Variants in FRMPD1 observed in about 807,000 individuals in gnomAD.
The protein encoded by FRMPD1 is FERM and PDZ domain-containing protein 1.
Under a neutral mutation model 117.8 loss-of-function variants are expected in FRMPD1, and 76 were observed. That is an observed-to-expected ratio of 0.65 (90% confidence interval 0.54 to 0.78). The LOEUF is 0.78. FRMPD1 is among the 30% of genes least tolerant of loss of function. FRMPD1 has a pLI of 0.00. For missense variants in FRMPD1, 1,786 were observed against 1,964.5 expected, an observed-to-expected ratio of 0.91 and a Z score of 1.72; for synonymous variants, 783 against 770.4, an observed-to-expected ratio of 1.02 and a Z score of -0.27.
the FRMPD1 span, among the ~76,000 whole-genome samples, chr9:37,643,115 A>T: frequency 9.9e-5 from 15 of 152,194 alleles, no homozygotes; most frequent in Admixed American, 7.2e-4. Flanking sequence ...CCAGGACTGG[A>T]AGTTCTAGGT....
chr9:37,623,457 T>C, the FRMPD1 span, among the ~76,000 whole-genome samples: 14 of 152,244 alleles, frequency 9.2e-5, no homozygotes, highest in Non-Finnish European at 1.6e-4. Flanking sequence ...GCCTTTTCGC[T>C]GAACCTTGAA....
At chr9:37,658,792 A>G (rs986226995) in intron 1 of FRMPD1, among the ~76,000 whole-genome samples, 2 of 152,210 alleles carry the variant, frequency 1.3e-5, no homozygotes, top group Non-Finnish European at 2.9e-5. Flanking sequence ...CATTAATTTA[A>G]TTATAGGTGT....
chr9:37,663,031 C>G (rs1032055305), intron 1 of FRMPD1, among the ~76,000 whole-genome samples: 8 of 152,198 alleles, frequency 5.3e-5, no homozygotes, highest in Non-Finnish European at 1.2e-4. Context: ...ACACTCATCC[C>G]TCTCTTGTAT....
At chr9:37,722,447 G>A (rs1315004237) in intron 6 of FRMPD1, among the ~76,000 whole-genome samples, 14 of 152,066 alleles carry the variant, frequency 9.2e-5, no homozygotes, top group Admixed American at 7.9e-4. Flanking sequence ...TGCTCCTGTC[G>A]CCCTGGCTGG....
rs1040574411 is a variant in FRMPD1 at position 37,711,414 on chromosome 9, C to A, written c.408+19C>A. 1.9e-6 allele frequency: 3 copies of A among 1,573,774 alleles called. No homozygotes were observed. The highest frequency in any genetic ancestry group is 1.1e-5 in the South Asian group (1 of 90,250). ...CACGTCGGTAAATCTCTTTCTATGT[C>A]CTGTGTGTTAGTTTCACCATTCTTG... On this transcript the variant is annotated intron_variant, in intron 5 of 15. Transcript: ENST00000377765.
chr9:37,608,644 GA>G, the FRMPD1 span, among the ~76,000 whole-genome samples: 1 of 152,170 alleles, frequency 6.6e-6, no homozygotes, highest in Non-Finnish European at 1.5e-5. Context: ...TGCCTGGCAA[GA>G]CTTAGTTTTC....
In FRMPD1 at chr9:37,690,946, C is replaced by G. The variant is rs1822110817; in HGVS notation, c.-4-1692C>G. Among the ~76,000 whole-genome samples the G allele has an allele frequency of 2.0e-5, 3 of 152,274 alleles. No individual in the cohort carries two copies. In the South Asian group the frequency reaches 6.2e-4, roughly 32 times the overall value. ...CAGGAACTCACACCCACAGTAATGG[C>G]ATTAATTCATTCATGAGGACACAGC... On this transcript the variant is annotated intron_variant, in intron 1 of 15. Coordinates refer to ENST00000377765, the MANE Select transcript of FRMPD1 (RefSeq NM_014907.3).
chr9:37,674,388 T>G (rs1821453619), intron 1 of FRMPD1, among the ~76,000 whole-genome samples: 1 of 152,226 alleles, frequency 6.6e-6, no homozygotes, highest in African/African-American at 2.4e-5. Context: ...TATCAGCATT[T>G]CAGTCAAAGC....
At chr9:37,713,868 C>T (rs1002471899) in intron 5 of FRMPD1, among the ~76,000 whole-genome samples, 21 of 152,200 alleles carry the variant, frequency 1.4e-4, no homozygotes, top group African/African-American at 4.1e-4. Flanking sequence ...AGGTTGCCTA[C>T]GCATTTAGGG....
chr9:37,636,676 C>G, the FRMPD1 span: 2 of 1,530,374 alleles, frequency 1.3e-6, no homozygotes, highest in Non-Finnish European at 1.7e-6. Flanking sequence ...CTGTCCCACT[C>G]CAGTGCCCCT....
intron 15 of FRMPD1, among the ~76,000 whole-genome samples, chr9:37,742,399 T>C (rs1824466011): frequency 6.6e-6 from 1 of 152,200 alleles, no homozygotes; most frequent in Non-Finnish European, 1.5e-5. Flanking sequence ...TTTGTTTTTG[T>C]TTTTGTTTTT....
chr9:37,707,497 CAA>C lies in FRMPD1; in HGVS notation c.185_186del (p.Lys62ArgfsTer13). ...CTGTGCGACACACAGTAAAGATAGACAAAGACACCCTCCTCCAGGACTATGGA... is the reference window on the plus strand; with the variant it reads ...CTGTGCGACACACAGTAAAGATAGACAGACACCCTCCTCCAGGACTATGGA... ...IPVRHTVKID[K>X]DTLLQDYGFH... is the part of the protein sequence containing the mutation. On this transcript the variant is annotated frameshift_variant, in exon 3 of 16. Transcript: ENST00000377765. LOFTEE classifies it high-confidence loss of function. 6.2e-7 allele frequency: 1 copy of C among 1,613,852 alleles called. No individual in the cohort carries two copies. Among genetic ancestry groups the C allele is most frequent in the South Asian group, 1.1e-5 (1 of 91,066 alleles).
At chr9:37,647,837 T>G (rs150040867), upstream of FRMPD1, among the ~76,000 whole-genome samples, 24 of 152,320 alleles carry the variant, frequency 1.6e-4, 1 homozygote, top group East Asian at 4.6e-3. Flanking sequence ...AAGAAGTTTG[T>G]CCAATAGGTT....
rs1824605999 is a variant in FRMPD1, at chr9:37,744,779, C to G, written c.2747C>G (p.Pro916Arg). 6.2e-7 allele frequency: 1 copy of G among 1,614,066 alleles called. No homozygotes were observed. Among genetic ancestry groups the G allele is most frequent in the African/African-American group, 1.3e-5 (1 of 74,942 alleles). ...APLRETKSTN[P>R]ASRVMEMEPE... The stretch of plus-strand genomic sequence containing the variant: ...CTGAGGGAGACCAAGAGCACAAACC[C>G]AGCCTCCAGGGTCATGGAGATGGAG... The change falls in exon 16 of 16, where the codon CCA becomes CGA. Residue 916 changes from proline to arginine, a missense_variant. Physicochemically the swap from Pro to Arg is moderately radical, Grantham distance 103. Transcript: ENST00000377765.
intron 2 of FRMPD1, among the ~76,000 whole-genome samples, chr9:37,703,252 G>A (rs543158972): frequency 6.6e-6 from 1 of 152,306 alleles, no homozygotes; most frequent in African/African-American, 2.4e-5. Flanking sequence ...TTTAATCTCA[G>A]GACTAGTACC....
At chr9:37,717,335 GTATA>G (rs1176992185) in intron 5 of FRMPD1, among the ~76,000 whole-genome samples, 58 of 100,350 alleles carry the variant, frequency 5.8e-4, no homozygotes, top group South Asian at 1.6e-3. Context: ...GTGTGTATGT[GTATA>G]TATGTGTGTG....
At chr9:37,624,388 G>C in the FRMPD1 span, among the ~76,000 whole-genome samples, 3 of 152,238 alleles carry the variant, frequency 2.0e-5, no homozygotes, top group Admixed American at 1.3e-4. Flanking sequence ...ACATGAGGGA[G>C]AGGGGAACGG....
chr9:37,718,967 G>T (rs1823270926), intron 5 of FRMPD1, 102 bp from the exon 6 acceptor site: 2 of 710,678 alleles, frequency 2.8e-6, no homozygotes, highest in African/African-American at 3.5e-5. Context: ...AATTGAATCT[G>T]CAACAGCTAT....
chr9:37,719,312 C>T (rs1823291401), intron 6 of FRMPD1, 136 bp downstream of exon 6: 1 of 639,222 alleles, frequency 1.6e-6, no homozygotes, highest in Admixed American at 2.2e-5. Flanking sequence ...GCTTTGTGCG[C>T]CCTCCCAGTC....
Sources: allele counts gnomAD v4.1 joint callset (sites outside exome capture counted in the v4.1 genomes callset), GRCh38; gene constraint gnomAD v4.1.1; transcripts MANE v1.5; gene names NCBI Gene and HGNC (gene_info 2026-07-23, HGNC 2026-07-21).